The following NAA10 variants were observed in gnomAD, a reference collection of about 807,000 sequenced individuals.
NAA10 encodes N-alpha-acetyltransferase 10, NatA catalytic subunit, also known as N-alpha-acetyltransferase 10.
NAA10 carries 6 observed loss-of-function variants against 19.2 expected under a neutral mutation model. That is an observed-to-expected ratio of 0.31 (90% CI 0.17 to 0.62). NAA10 has a LOEUF of 0.62. NAA10 is among the 20% of genes least tolerant of loss of function. NAA10 has a pLI of 0.83. For synonymous variants in NAA10, 97 were observed against 79.9 expected (o/e 1.21, Z -1.14); for missense variants, 101 against 198.4 (o/e 0.51, Z 2.95).
At chrX:153,934,562 G>A (rs1422498202) in intron 1 of NAA10, 87 bp from the exon 2 acceptor site, 4 of 771,840 alleles carry the variant, frequency 5.2e-6, no homozygotes, top group Non-Finnish European at 7.8e-6. Flanking sequence ...GGTCTGCTCG[G>A]CCCCGCTCCC....
At position 153,930,118 on chromosome X, in the gene NAA10, C is replaced by A. The variant is rs782413408; in HGVS notation, c.577G>T (p.Ala193Ser). 2 of 1,211,416 alleles carry A rather than the reference C, an allele frequency of 1.7e-6. No homozygotes were observed. Among genetic ancestry groups the A allele is most frequent in the Non-Finnish European group, 2.2e-6 (2 of 895,368 alleles). Reference protein sequence around the residue: ...KGNSPPSSGEACREEKGLAAE... With the variant: ...KGNSPPSSGESCREEKGLAAE... ...GCCAGGCCCTTCTCCTCGCGACAGG[C>A]CTCTCCTGAGCTCGGAGGTGAATTG... The change falls in exon 8 of 8, where the codon GCC becomes TCC. Residue 193 changes from alanine (A) to serine (S), a missense_variant. Around this residue, in one of 2 missense-constraint regions of NAA10, gnomAD observed 58 missense variants for 75.8 expected, o/e 0.77. Transcript: ENST00000464845.
At chrX:153,930,899 C>T (rs1206408446) in intron 6 of NAA10, 52 bp from the exon 7 acceptor site, 2 of 1,211,312 alleles carry the variant, frequency 1.7e-6, no homozygotes, top group African/African-American at 1.7e-5. Context: ...CCCGGGGACA[C>T]CCTCCTCCAC....
chrX:153,932,637 C>G, intron 3 of NAA10, 53 bp from the exon 4 acceptor site: 1 of 1,077,652 alleles, frequency 9.3e-7, no homozygotes, highest in Non-Finnish European at 1.3e-6. Flanking sequence ...GGCACAGCCA[C>G]CTCCAGCCCC....
At chrX:153,934,542 G>A in intron 1 of NAA10, 67 bp from the exon 2 acceptor site, 1 of 891,838 alleles carries the variant, frequency 1.1e-6, no homozygotes, top group Non-Finnish European at 1.6e-6. Context: ...TGAGAAGCCT[G>A]CTCCCCGTCG....
In NAA10 at chrX:153,932,349, T is replaced by C. The variant is rs143447799; in HGVS notation, c.308A>G (p.Asn103Ser). The C allele has an allele frequency of 4.1e-6, 5 of 1,211,238 alleles. No individual in the cohort carries two copies. The highest frequency in any genetic ancestry group is 1.1e-6 in the Non-Finnish European group (1 of 895,125). The change falls in exon 5 of 8, where the codon AAT (asparagine) becomes AGT (serine). Residue 103 changes from asparagine to serine, a missense_variant. By Grantham distance (46) the Asn-to-Ser change is conservative. This residue lies in a region of NAA10 where 43 missense variants were observed against 122.6 expected (regional missense o/e 0.35). Transcript: ENST00000464845. ...QASRAMIENF[N>S]AKYVSLHVRK... ...GACATGCAGGGAGACATATTTGGCA[T>C]TGAAGTTCTCTATCATGGCTCGAGA...
In NAA10 at chrX:153,929,929, T is replaced by C; in HGVS notation, c.*58A>G. 2 of 1,021,406 alleles carry C rather than the reference T, an allele frequency of 2.0e-6. No homozygotes were observed. The highest frequency in any genetic ancestry group is 2.8e-6 in the Non-Finnish European group (2 of 723,398). 84.2% of individuals were successfully genotyped at this position (1,021,406 alleles called of 1,213,427 possible). On this transcript the variant is annotated 3_prime_UTR_variant, in exon 8 of 8. Transcript: ENST00000464845. Reference sequence around the variant, plus strand: ...CGCGCTCACACACAAAGTTCCCCAGTGCCACGGAGCGAATTTATTGTGAAA... The same window carrying C: ...CGCGCTCACACACAAAGTTCCCCAGCGCCACGGAGCGAATTTATTGTGAAA...
At chrX:153,933,031 C>A in intron 3 of NAA10, 1 of 161,774 alleles carries the variant, frequency 6.2e-6, no homozygotes, top group Non-Finnish European at 1.2e-5. Flanking sequence ...CCAGCCTGGG[C>A]AACAGAGCGA....
intron 6 of NAA10, chrX:153,931,744 C>T (rs1389775864): frequency 1.4e-5 from 14 of 999,009 alleles, no homozygotes; most frequent in African/African-American, 2.0e-5. Flanking sequence ...TCAGCATCTG[C>T]TCACGCCAGG....
chrX:153,934,805 G>A, intron 1 of NAA10, 79 bp downstream of exon 1: 5 of 897,925 alleles, frequency 5.6e-6, no homozygotes, highest in Non-Finnish European at 5.6e-6. Context: ...GGCTCGGCCG[G>A]GGCCCTCGGG....
intron 3 of NAA10, 110 bp from the exon 4 acceptor site, chrX:153,932,694 A>G: frequency 1.4e-6 from 1 of 739,331 alleles, no homozygotes; most frequent in Non-Finnish European, 2.1e-6. Flanking sequence ...CTAAGACCCC[A>G]GCTGGGGGAG....
intron 3 of NAA10, chrX:153,933,657 G>A (rs782589189): frequency 5.8e-4 from 127 of 219,213 alleles, no homozygotes; most frequent in African/African-American, 3.4e-3. Flanking sequence ...GGGCGACAGG[G>A]CAAGACTCCG....
At chrX:153,933,190 G>A (rs782539344) in intron 3 of NAA10, among the ~76,000 whole-genome samples, 12 of 112,375 alleles carry the variant, frequency 1.1e-4, no homozygotes, top group Non-Finnish European at 1.9e-4. Context: ...TCCTGGAAAA[G>A]GCAAAACCAT....
intron 6 of NAA10, 71 bp from the exon 7 acceptor site, chrX:153,930,918 T>G (rs782322561): frequency 1.7e-6 from 2 of 1,210,299 alleles, no homozygotes; most frequent in Non-Finnish European, 2.2e-6. Flanking sequence ...ACTCCTGGTA[T>G]CGTGGCTACT....
At chrX:153,934,704 G>T in intron 1 of NAA10, 180 bp downstream of exon 1, 1 of 611,125 alleles carries the variant, frequency 1.6e-6, no homozygotes, top group Non-Finnish European at 2.5e-6. Flanking sequence ...GGAGGGAATC[G>T]CAGCCCCGGC....
intron 3 of NAA10, among the ~76,000 whole-genome samples, chrX:153,933,406 A>G (rs889266225): frequency 2.8e-4 from 31 of 112,440 alleles, no homozygotes; most frequent in African/African-American, 1.0e-3. Context: ...GCAGTGGCTC[A>G]CGCCTGTAAT....
At chrX:153,934,748 G>C in intron 1 of NAA10, 136 bp downstream of exon 1, 1 of 769,306 alleles carries the variant, frequency 1.3e-6, no homozygotes, top group South Asian at 2.7e-5. Flanking sequence ...GGCTGGGCCA[G>C]CCCCATAGGT....
At position 153,932,421 on chromosome X, in the gene NAA10, C is replaced by T. The variant is rs2148535277; in HGVS notation, c.236G>A (p.Arg79His). 8.3e-7 allele frequency: 1 copy of T among 1,210,940 alleles called. No homozygotes were observed. Among genetic ancestry groups the T allele is most frequent in the Non-Finnish European group, 1.1e-6 (1 of 894,566 alleles). ...HGHITSLAVK[R>H]SHRRLGLAQK... is the part of the protein sequence containing the mutation. ...AGCCAGACCGAGGCGCCGGTGGGAACGCTTCACAGCCTGGTGGGAGAAGAG... is the reference window on the plus strand; with the variant it reads ...AGCCAGACCGAGGCGCCGGTGGGAATGCTTCACAGCCTGGTGGGAGAAGAG... The change falls in exon 5 of 8, where the codon CGT (arginine) becomes CAT (histidine). Residue 79 changes from arginine to histidine, a missense_variant. By Grantham distance (29) the Arg-to-His change is conservative. Around this residue, in one of 2 missense-constraint regions of NAA10, gnomAD observed 43 missense variants for 122.6 expected, o/e 0.35. Coordinates refer to ENST00000464845, the MANE Select transcript of NAA10 (RefSeq NM_003491.4).
At chrX:153,933,293 G>A (rs2065177190) in intron 3 of NAA10, among the ~76,000 whole-genome samples, 2 of 112,218 alleles carry the variant, frequency 1.8e-5, no homozygotes. Flanking sequence ...ATAATATGAA[G>A]GTGGACACAT....
At chrX:153,930,435 G>A in intron 7 of NAA10, 1 of 465,229 alleles carries the variant, frequency 2.1e-6, no homozygotes, top group South Asian at 3.1e-5. Context: ...CCCCACGACA[G>A]AGCGCTGCCC....
Sources: allele counts gnomAD v4.1 joint callset (sites outside exome capture counted in the v4.1 genomes callset), GRCh38; gene constraint gnomAD v4.1.1; regional missense constraint gnomAD v4.1.1; transcripts MANE v1.5; gene names NCBI Gene and HGNC (gene_info 2026-07-23, HGNC 2026-07-21).